The following DSCAM variants were observed in gnomAD, a reference collection of about 807,000 sequenced individuals.
DSCAM encodes the protein DS cell adhesion molecule, also known as cell adhesion molecule DSCAM.
DSCAM carries 47 observed loss-of-function variants against 217.7 expected under a neutral mutation model. The observed-to-expected ratio is 0.22, with a 90% confidence interval of 0.17 to 0.28. DSCAM has a LOEUF of 0.28. Ranked by LOEUF, DSCAM falls within the 10% of genes least tolerant of loss-of-function variation. The pLI is 1.00. For missense variants in DSCAM, 2,080 were observed against 2,618.3 expected, an observed-to-expected ratio of 0.79 and a Z score of 4.49; for synonymous variants, 1,056 against 1,015.3, an observed-to-expected ratio of 1.04 and a Z score of -0.76.
At chr21:40,806,014 CA>C (rs1296986516) in intron 1 of DSCAM, among the ~76,000 whole-genome samples, 1 of 152,130 alleles carries the variant, frequency 6.6e-6, no homozygotes, top group African/African-American at 2.4e-5. Flanking sequence ...GGCCTAAACA[CA>C]ATGTTTTCTA....
intron 10 of DSCAM, among the ~76,000 whole-genome samples, chr21:40,282,545 A>C (rs1159604601): frequency 7.1e-6 from 1 of 141,512 alleles, no homozygotes. Context: ...GAGCCAAGAC[A>C]GCGCCACTGC....
chr21:40,617,487 C>T (rs373257911), intron 3 of DSCAM, among the ~76,000 whole-genome samples: 21 of 152,268 alleles, frequency 1.4e-4, no homozygotes, highest in African/African-American at 4.6e-4. Flanking sequence ...ACAATCTACC[C>T]CCTCCCAGCT....
chr21:40,362,876 G>A (rs551907668), intron 4 of DSCAM, among the ~76,000 whole-genome samples: 274 of 152,212 alleles, frequency 1.8e-3, no homozygotes, highest in African/African-American at 6.4e-3. Flanking sequence ...ACACATGTAT[G>A]TATAAAATTA....
At chr21:40,599,259 G>A (rs1220900793) in intron 3 of DSCAM, among the ~76,000 whole-genome samples, 2 of 152,028 alleles carry the variant, frequency 1.3e-5, no homozygotes, top group Non-Finnish European at 2.9e-5. Context: ...GAACATGCAG[G>A]TTTGTTACAT....
rs2089989646 is a variant in DSCAM at position 40,649,595 on chromosome 21, C to T, written c.508+43215G>A. ...AAGAAATCCCAATGCAATGCCCTGG[C>T]AATGAGAACAGTGACACACAAACAA... On this transcript the variant is annotated intron_variant, in intron 3 of 32. Coordinates refer to ENST00000400454, the MANE Select transcript of DSCAM (RefSeq NM_001389.5). 2.6e-5 allele frequency among the ~76,000 whole-genome samples: 4 copies of T among 152,072 alleles called. No homozygotes were observed. In the East Asian group the frequency reaches 7.7e-4, roughly 29 times the overall value.
intron 3 of DSCAM, among the ~76,000 whole-genome samples, chr21:40,487,233 C>T: frequency 7.1e-6 from 1 of 140,622 alleles, no homozygotes; most frequent in African/African-American, 2.5e-5. Flanking sequence ...TAACCTGTAA[C>T]TCTCTCTCTC....
chr21:40,552,690 A>G (rs1387447193), intron 3 of DSCAM, among the ~76,000 whole-genome samples: 1 of 152,184 alleles, frequency 6.6e-6, no homozygotes, highest in African/African-American at 2.4e-5. Flanking sequence ...TTTAAATCTA[A>G]CACAGCTGAC....
chr21:40,358,835 T>C (rs1346244269), intron 4 of DSCAM, among the ~76,000 whole-genome samples: 1 of 149,640 alleles, frequency 6.7e-6, no homozygotes, highest in African/African-American at 2.5e-5. Context: ...AACTGTAGCA[T>C]TTTCAAAGGC....
At chr21:40,146,367 C>T (rs775202998) in intron 16 of DSCAM, among the ~76,000 whole-genome samples, 21 of 152,014 alleles carry the variant, frequency 1.4e-4, no homozygotes, top group Non-Finnish European at 1.6e-4. Context: ...CAGGAGGGAA[C>T]GGACAGAGTG....
intron 10 of DSCAM, among the ~76,000 whole-genome samples, chr21:40,278,504 G>A (rs375373036): frequency 6.6e-6 from 1 of 152,104 alleles, no homozygotes; most frequent in Non-Finnish European, 1.5e-5. Flanking sequence ...AGACCAGGGT[G>A]GGGGCAAGAC....
chr21:40,235,904 C>G (rs1162982105), intron 11 of DSCAM, among the ~76,000 whole-genome samples: 1 of 152,150 alleles, frequency 6.6e-6, no homozygotes, highest in Non-Finnish European at 1.5e-5. Context: ...CTCACTGTTG[C>G]ATGGATAATT....
intron 3 of DSCAM, among the ~76,000 whole-genome samples, chr21:40,680,535 G>A (rs1030858350): frequency 1.3e-5 from 2 of 148,656 alleles, no homozygotes; most frequent in African/African-American, 5.0e-5. Flanking sequence ...CCACCTCTAA[G>A]AGCACACAGG....
At chr21:40,736,707 C>A (rs1417774025) in intron 1 of DSCAM, among the ~76,000 whole-genome samples, 1 of 152,148 alleles carries the variant, frequency 6.6e-6, no homozygotes, top group African/African-American at 2.4e-5. Context: ...GTGTCAAGAA[C>A]CAGGGACAAA....
chr21:40,052,147 T>G, intron 29 of DSCAM, 40 bp from the exon 30 acceptor site: 1 of 1,608,346 alleles, frequency 6.2e-7, no homozygotes, highest in East Asian at 2.2e-5. Flanking sequence ...AACACGTTTA[T>G]CTCCCTTCCA....
intron 28 of DSCAM, among the ~76,000 whole-genome samples, chr21:40,059,144 G>T (rs1432527741): frequency 6.6e-6 from 1 of 152,178 alleles, no homozygotes; most frequent in Non-Finnish European, 1.5e-5. Context: ...ACTATTAGGA[G>T]CATAGCTCAT....
In DSCAM at chr21:40,610,291, G is replaced by A. The variant is rs1238952158; in HGVS notation, c.508+82519C>T. On this transcript the variant is annotated intron_variant, in intron 3 of 32. Transcript: ENST00000400454. The stretch of plus-strand genomic sequence containing the variant: ...GGTGTACATTTCTCCCCTCCATCTC[G>A]GACACTGCACCCAGCCGTTGTGGAC... 2.2e-4 allele frequency among the ~76,000 whole-genome samples: 33 copies of A among 152,070 alleles called. 1 individual carries two copies. Among genetic ancestry groups the A allele is most frequent in the Admixed American group, 1.8e-3 (27 of 15,274 alleles).
chr21:40,170,065 C>T (rs1175916317), intron 15 of DSCAM, among the ~76,000 whole-genome samples: 3 of 152,132 alleles, frequency 2.0e-5, no homozygotes, highest in African/African-American at 7.2e-5. Context: ...CAGAAGGCAC[C>T]TCGCCGTCCT....
chr21:40,596,352 A>C (rs955065328), intron 3 of DSCAM, among the ~76,000 whole-genome samples: 1 of 152,244 alleles, frequency 6.6e-6, no homozygotes. Context: ...ATTTTAAAGC[A>C]TATTAGAGCC....
chr21:40,269,416 C>G (rs1459205687), intron 11 of DSCAM, among the ~76,000 whole-genome samples: 1 of 152,166 alleles, frequency 6.6e-6, no homozygotes, highest in Admixed American at 6.5e-5. Context: ...GGGCTCACAC[C>G]CAGTGGCTTT....
Sources: gnomAD v4.1 joint callset for allele counts (sites outside exome capture counted in the v4.1 genomes callset) on GRCh38, gnomAD v4.1.1 for gene constraint, MANE v1.5 for transcripts, NCBI Gene and HGNC (gene_info 2026-07-23, HGNC 2026-07-21) for gene names.